Variants in PPFIA2 observed in about 807,000 individuals in gnomAD.
PPFIA2 encodes the protein PPFI scaffold protein A2.
Under a neutral mutation model 175.5 loss-of-function variants are expected in PPFIA2, and 46 were observed. The ratio of observed to expected loss-of-function variants is 0.26; its 90% confidence interval spans 0.21 to 0.34. PPFIA2 has a LOEUF of 0.34. PPFIA2 is among the 10% of genes least tolerant of loss of function. PPFIA2 has a pLI of 1.00. For synonymous variants in PPFIA2, 568 were observed against 511.4 expected (o/e 1.11, Z -1.49); for missense variants, 1,179 against 1,506.1 (o/e 0.78, Z 3.60).
chr12:81,395,990 C>CT (rs1439709209), intron 8 of PPFIA2, among the ~76,000 whole-genome samples: 1 of 152,022 alleles, frequency 6.6e-6, no homozygotes, highest in African/African-American at 2.4e-5. Flanking sequence ...TTTTGTGTGC[C>CT]TTTTTTCACA....
At chr12:81,398,628 G>T (rs1202665956) in intron 8 of PPFIA2, among the ~76,000 whole-genome samples, 1 of 152,046 alleles carries the variant, frequency 6.6e-6, no homozygotes, top group East Asian at 1.9e-4. Context: ...AGGACTTTAT[G>T]CTGGTTACTT....
chr12:81,759,187 G>GCCC (rs1222202034), intron 1 of PPFIA2, 93 bp downstream of exon 1: 1 of 14,094 alleles, frequency 7.1e-5, no homozygotes, highest in African/African-American at 2.3e-4. Context: ...CCCCCCCGCC[G>GCCC]CCCCCCCGCC....
Position 81,711,781 on chromosome 12 carries a change from A to AT in PPFIA2, c.250-34938dup, listed in dbSNP as rs1275120750. On this transcript the variant is annotated intron_variant, in intron 3 of 32. Coordinates refer to ENST00000549396, the MANE Select transcript of PPFIA2 (RefSeq NM_003625.5). ...CTCTTTTGGGATGGGCTATACTTAC[A>AT]TTTTTTTTTTTTTAATTAGGAGGAA... 8.6e-3 allele frequency among the ~76,000 whole-genome samples: 1,214 copies of AT among 140,504 alleles called. 15 individuals carry two copies. The highest frequency in any genetic ancestry group is 0.026 in the African/African-American group (1,018 of 39,080). The allele number at this position is 140,504 out of a possible 152,430, so 92.2% of individuals were successfully genotyped here. A position where few individuals can be genotyped will look rare whatever the true frequency, so the allele number is the denominator to read the frequency against.
chr12:81,621,120 A>T (rs552627535), intron 4 of PPFIA2, among the ~76,000 whole-genome samples: 2 of 152,288 alleles, frequency 1.3e-5, no homozygotes, highest in Admixed American at 1.3e-4. Flanking sequence ...AAAATATCTT[A>T]TAGGTAATTA....
chr12:81,372,454 T>G (rs2141597087), intron 11 of PPFIA2, among the ~76,000 whole-genome samples: 1 of 138,242 alleles, frequency 7.2e-6, no homozygotes, highest in Admixed American at 7.4e-5. Flanking sequence ...AAAAGGTTAA[T>G]GAACAGAAAA....
intron 4 of PPFIA2, among the ~76,000 whole-genome samples, chr12:81,623,470 T>C: frequency 6.6e-6 from 1 of 152,040 alleles, no homozygotes; most frequent in East Asian, 1.9e-4. Context: ...CTACCTAGAA[T>C]TGGGACACAT....
At chr12:81,672,833 T>G (rs1197771526) in intron 4 of PPFIA2, among the ~76,000 whole-genome samples, 3 of 152,044 alleles carry the variant, frequency 2.0e-5, no homozygotes, top group Non-Finnish European at 4.4e-5. Context: ...TCTTCACATT[T>G]GACCAATGTA....
chr12:81,352,748 G>T (rs188264409), intron 17 of PPFIA2, among the ~76,000 whole-genome samples: 82 of 152,216 alleles, frequency 5.4e-4, no homozygotes, highest in Non-Finnish European at 1.1e-3. Context: ...TGTATCTGAA[G>T]AATGTACGTG....
rs528272654 is a variant in PPFIA2 at position 81,268,538 on chromosome 12, C to T, written c.3311-451G>A. ...TCCACACTCTAATCCATCTGGCTCC[C>T]TTCATTTGTGTGTAGTTACTGTTTT... On this transcript the variant is annotated intron_variant, in intron 28 of 32. Coordinates refer to ENST00000549396, the MANE Select transcript of PPFIA2 (RefSeq NM_003625.5). Among the ~76,000 whole-genome samples the T allele has an allele frequency of 1.4e-4, 22 of 152,276 alleles. No homozygotes were observed. The South Asian group carries it at 4.4e-3, about 30-fold the overall frequency.
At chr12:81,365,168 A>T (rs2032742769) in intron 14 of PPFIA2, among the ~76,000 whole-genome samples, 1 of 151,812 alleles carries the variant, frequency 6.6e-6, no homozygotes, top group African/African-American at 2.4e-5. Context: ...GCTACCTAGA[A>T]ACTTCAAATT....
At chr12:81,471,531 T>A (rs955680420) in intron 4 of PPFIA2, among the ~76,000 whole-genome samples, 3 of 151,856 alleles carry the variant, frequency 2.0e-5, no homozygotes, top group Non-Finnish European at 4.4e-5. Flanking sequence ...ACACTTTCTT[T>A]ATCCATTCAT....
chr12:81,632,090 A>T (rs1203403573), intron 4 of PPFIA2, among the ~76,000 whole-genome samples: 1 of 152,210 alleles, frequency 6.6e-6, no homozygotes. Context: ...TATACTTCTT[A>T]TCAAAATACA....
At chr12:81,402,946 T>C (rs977632890) in intron 8 of PPFIA2, among the ~76,000 whole-genome samples, 1 of 152,216 alleles carries the variant, frequency 6.6e-6, no homozygotes, top group African/African-American at 2.4e-5. Context: ...TTAATATAAA[T>C]TGAAACATGT....
intron 6 of PPFIA2, among the ~76,000 whole-genome samples, chr12:81,443,236 A>G (rs535277217): frequency 6.6e-6 from 1 of 152,168 alleles, no homozygotes; most frequent in East Asian, 1.9e-4. Context: ...TACTAGGATT[A>G]TCTTAATTCA....
intron 7 of PPFIA2, among the ~76,000 whole-genome samples, chr12:81,426,608 C>A (rs1434406499): frequency 6.6e-6 from 1 of 152,112 alleles, no homozygotes; most frequent in Non-Finnish European, 1.5e-5. Context: ...AAATCATTAG[C>A]AGTCAATTAT....
intron 4 of PPFIA2, among the ~76,000 whole-genome samples, chr12:81,609,488 A>C (rs573715892): frequency 6.6e-6 from 1 of 152,246 alleles, no homozygotes; most frequent in African/African-American, 2.4e-5. Flanking sequence ...TAGAATGGTT[A>C]AGTCTCCTTG....
At chr12:81,748,594 C>T (rs2083346578) in intron 3 of PPFIA2, among the ~76,000 whole-genome samples, 1 of 144,746 alleles carries the variant, frequency 6.9e-6, no homozygotes, top group South Asian at 2.3e-4. Context: ...CAGAATCAGA[C>T]AACAGCCAAT....
At chr12:81,368,692 T>TA (rs1327772825) in intron 13 of PPFIA2, 33 bp downstream of exon 13, 1 of 1,584,010 alleles carries the variant, frequency 6.3e-7, no homozygotes, top group African/African-American at 1.4e-5. Context: ...CATTGCAAAA[T>TA]ATTCATGTGA....
chr12:81,551,466 CAAATAA>C (rs1226121552), intron 4 of PPFIA2, among the ~76,000 whole-genome samples: 3 of 151,712 alleles, frequency 2.0e-5, no homozygotes, highest in African/African-American at 7.3e-5. Context: ...ATTTAAAATA[CAAATAA>C]AAACAAAGTG....
Sources: allele counts gnomAD v4.1 joint callset (sites outside exome capture counted in the v4.1 genomes callset), GRCh38; gene constraint gnomAD v4.1.1; transcripts MANE v1.5; gene names NCBI Gene and HGNC (gene_info 2026-07-23, HGNC 2026-07-21).